The following SULF2 variants were observed in gnomAD, a reference collection of about 807,000 sequenced individuals.
SULF2 encodes the protein extracellular sulfatase Sulf-2.
A neutral mutation model predicts 107.7 loss-of-function variants in SULF2; 52 were observed. The observed-to-expected ratio is 0.48, with a 90% CI of 0.39 to 0.61. The LOEUF (loss-of-function observed/expected upper bound fraction) is 0.61. Among genes scored for constraint, SULF2 ranks in the 20% least tolerant of loss-of-function variants. The probability of loss-of-function intolerance (pLI) is 0.00; values close to 1 mark genes in which losing one functional copy is unlikely to be tolerated. For synonymous variants in SULF2, 460 were observed against 464.3 expected, an observed-to-expected ratio of 0.99 and a Z score of 0.12; for missense variants, 993 against 1,177.3, an observed-to-expected ratio of 0.84 and a Z score of 2.29.
rs2090906994 is a variant in SULF2, at chr20:47,785,347, G to T, written c.-105C>A. 1.6e-5 allele frequency: 2 copies of T among 125,582 alleles called. No individual in the cohort carries two copies. Among genetic ancestry groups the T allele is most frequent in the South Asian group, 4.9e-4 (2 of 4,114 alleles). 7.8% of individuals were successfully genotyped at this position (125,582 alleles called of 1,614,324 possible). On this transcript the variant is annotated 5_prime_UTR_variant, in exon 1 of 21. Coordinates refer to ENST00000688720, the MANE Select transcript of SULF2 (RefSeq NM_001387048.1). ...TGCCCCCCACGCCCCACTCACCAGC[G>T]CGCACGGCCCCGGCAACCTCACCCG... is the stretch of plus-strand genomic sequence containing the variant.
chr20:47,674,766 C>T (rs1041870182), intron 10 of SULF2, among the ~76,000 whole-genome samples: 15 of 152,126 alleles, frequency 9.9e-5, no homozygotes, highest in South Asian at 2.1e-4. Flanking sequence ...GAGACGTCCT[C>T]GGGCCACAGG....
chr20:47,745,398 A>AGG (rs2089993242), intron 2 of SULF2, among the ~76,000 whole-genome samples: 31 of 29,394 alleles, frequency 1.1e-3, no homozygotes, highest in Non-Finnish European at 1.4e-3. Context: ...AAAAAAAAAA[A>AGG]AAAAAAAAAA....
At chr20:47,782,195 C>T (rs2090845278) in intron 1 of SULF2, among the ~76,000 whole-genome samples, 1 of 152,200 alleles carries the variant, frequency 6.6e-6, no homozygotes, top group African/African-American at 2.4e-5. Flanking sequence ...ATGGACTGCT[C>T]TCCCTTCCGG....
At chr20:47,727,056 T>C (rs1278434756) in intron 3 of SULF2, among the ~76,000 whole-genome samples, 1 of 55,670 alleles carries the variant, frequency 1.8e-5, no homozygotes, top group Non-Finnish European at 6.8e-5. Context: ...CTGCAGCCTT[T>C]ATGGGGGGGG....
At chr20:47,659,569 C>T in intron 19 of SULF2, 117 bp from the exon 20 acceptor site, 4 of 1,382,624 alleles carry the variant, frequency 2.9e-6, no homozygotes, top group Non-Finnish European at 4.1e-6. Flanking sequence ...GTGGGTGATC[C>T]TGGTCTCGGG....
At chr20:47,673,923 T>C (rs1298058021) in intron 10 of SULF2, among the ~76,000 whole-genome samples, 1 of 152,202 alleles carries the variant, frequency 6.6e-6, no homozygotes, top group African/African-American at 2.4e-5. Flanking sequence ...TCCTGTCCAC[T>C]TAGCTCTCTC....
intron 3 of SULF2, among the ~76,000 whole-genome samples, chr20:47,707,957 T>C (rs946712077): frequency 6.6e-6 from 1 of 152,172 alleles, no homozygotes. Flanking sequence ...TCAGTGTACC[T>C]GGGCATGGTA....
chr20:47,708,203 T>C (rs190831421), intron 3 of SULF2, among the ~76,000 whole-genome samples: 2 of 152,072 alleles, frequency 1.3e-5, no homozygotes, highest in Admixed American at 6.5e-5. Flanking sequence ...TAAAGGAGAA[T>C]GATAGGACAG....
chr20:47,666,289 T>C lies in SULF2; in HGVS notation c.1776A>G (p.Ser592=), dbSNP rs756866391. 1 of 1,614,070 alleles carries C rather than the reference T, an allele frequency of 6.2e-7. No individual in the cohort carries two copies. The highest frequency in any genetic ancestry group is 1.3e-5 in the African/African-American group (1 of 74,922). Residue 592 remains serine, a synonymous_variant, in exon 12 of 21, where the codon TCA becomes TCG. Transcript: ENST00000688720. The surrounding 1 kb of genome is among the most constrained non-coding windows in gnomAD (Gnocchi z 5.4). ...GTGTCACTTTAATGGGGTTGGCGGC[T>C]GAGTAGTCGGGAAGGCCTCCAGTGC... ...FSGTGGLPDY[S]AANPIKVTHR... is the part of the protein sequence containing the mutation.
intron 1 of SULF2, among the ~76,000 whole-genome samples, chr20:47,758,162 C>CTTTTT (rs373618271): frequency 8.2e-6 from 1 of 122,466 alleles, no homozygotes; most frequent in South Asian, 2.7e-4. Context: ...AAAAGTATTC[C>CTTTTT]TTTTTTTTTT....
At chr20:47,701,048 G>A (rs1174929695) in intron 4 of SULF2, among the ~76,000 whole-genome samples, 1 of 152,220 alleles carries the variant, frequency 6.6e-6, no homozygotes, top group Admixed American at 6.5e-5. Context: ...GGACAAAGAT[G>A]TTCACGGCAG....
At chr20:47,712,848 A>T (rs1380706562) in intron 3 of SULF2, among the ~76,000 whole-genome samples, 1 of 152,170 alleles carries the variant, frequency 6.6e-6, no homozygotes, top group Non-Finnish European at 1.5e-5. Context: ...AGCCTGGGCA[A>T]CACGGAGAAG....
intron 3 of SULF2, among the ~76,000 whole-genome samples, 188 bp downstream of exon 3, chr20:47,736,515 C>A (rs1470586086): frequency 6.6e-6 from 1 of 152,226 alleles, no homozygotes; most frequent in Non-Finnish European, 1.5e-5. Flanking sequence ...TACATCACTA[C>A]TGTAGGCAAA....
chr20:47,711,002 C>T (rs1443619167), intron 3 of SULF2, among the ~76,000 whole-genome samples: 1 of 152,166 alleles, frequency 6.6e-6, no homozygotes, highest in African/African-American at 2.4e-5. Context: ...TGTCTCGTGG[C>T]GACCAGGGAC....
chr20:47,658,868 TG>T (rs1941358203), intron 20 of SULF2, among the ~76,000 whole-genome samples: 1 of 152,228 alleles, frequency 6.6e-6, no homozygotes, highest in African/African-American at 2.4e-5. Flanking sequence ...TTTTTGGATT[TG>T]GTAGACGAAT....
At chr20:47,690,323 A>G in intron 4 of SULF2, 28 bp from the exon 5 acceptor site, 1 of 1,421,064 alleles carries the variant, frequency 7.0e-7, no homozygotes, top group Non-Finnish European at 9.3e-7. Flanking sequence ...ACAGGAGAAC[A>G]GGTGAGGAGC....
In SULF2 at chr20:47,736,861, G is replaced by C. The variant is rs747463972; in HGVS notation, c.257C>G (p.Pro86Arg). 1 of 1,614,234 alleles carries C rather than the reference G, an allele frequency of 6.2e-7. No homozygotes were observed. Among genetic ancestry groups the C allele is most frequent in the Non-Finnish European group, 8.5e-7 (1 of 1,180,026 alleles). The change falls in exon 3 of 21, where the codon CCC becomes CGC. Residue 86 changes from proline (P) to arginine (R), a missense_variant. Transcript: ENST00000688720. ...AHFINAFVTTPMCCPSRSSIL... is the reference protein window; with the variant it reads ...AHFINAFVTTRMCCPSRSSIL... The stretch of plus-strand genomic sequence containing the variant: ...GGAGGAGCGTGAGGGGCAGCACATG[G>C]GTGTGGTCACGAAGGCGTTGATGAA...
chr20:47,700,475 T>C lies in SULF2; in HGVS notation c.567+2044A>G, dbSNP rs533361036. Among the ~76,000 whole-genome samples the C allele has an allele frequency of 1.6e-3, 238 of 152,276 alleles. 5 individuals are homozygous for C. In the South Asian group the frequency reaches 0.044, roughly 28 times the overall value. On this transcript the variant is annotated intron_variant, in intron 4 of 20. Coordinates refer to ENST00000688720, the MANE Select transcript of SULF2 (RefSeq NM_001387048.1). ...CAAGGGGCGCTTCTAATGTTCTACA[T>C]GTACTAACTCACGTGATCCTCAAAA...
At chr20:47,770,053 G>GTTTTTTTT (rs56786760) in intron 1 of SULF2, among the ~76,000 whole-genome samples, 7 of 63,112 alleles carry the variant, frequency 1.1e-4, no homozygotes, top group African/African-American at 2.9e-4. Flanking sequence ...ATCTGGTGTA[G>GTTTTTTTT]TTTTTTTTTT....
Sources: gnomAD v4.1 joint callset for allele counts (sites outside exome capture counted in the v4.1 genomes callset) on GRCh38, gnomAD v4.1.1 for gene constraint, Gnocchi (gnomAD v3.1) non-coding constraint, MANE v1.5 for transcripts, NCBI Gene and HGNC (gene_info 2026-07-23, HGNC 2026-07-21) for gene names.